The following INPP5A variants were observed in gnomAD, a reference collection of about 807,000 sequenced individuals.
The protein encoded by INPP5A is 43 kDa inositol polyphosphate 5-phophatase.
Under a neutral mutation model 65.2 loss-of-function variants are expected in INPP5A, and 14 were observed. That is an observed-to-expected ratio of 0.21 (90% CI 0.14 to 0.34). The LOEUF is 0.34. Ranked by LOEUF, INPP5A falls within the 10% of genes least tolerant of loss-of-function variation. The pLI is 1.00. For synonymous variants in INPP5A, 207 were observed against 208.3 expected (o/e 0.99, Z 0.05); for missense variants, 431 against 545.6 (o/e 0.79, Z 2.09).
chr10:132,547,127 CGT>C lies in INPP5A; in HGVS notation c.75+8958_75+8959del, dbSNP rs2070985226. ...GGTGCCAGGCCACAGTCCAGGTTCACGTGGATGCGGGGCAGGCCCCACCTCTC... is the reference window on the plus strand; with the variant it reads ...GGTGCCAGGCCACAGTCCAGGTTCACGGATGCGGGGCAGGCCCCACCTCTC... On this transcript the variant is annotated intron_variant, in intron 1 of 15. Transcript: ENST00000368594. This position sits in a 1 kb window ranked among gnomAD's most constrained non-coding sequence, Gnocchi z 5.5. 6.6e-6 allele frequency among the ~76,000 whole-genome samples: 1 copy of C among 152,252 alleles called. No individual in the cohort carries two copies. The highest frequency in any genetic ancestry group is 6.5e-5 in the Admixed American group (1 of 15,292).
chr10:132,558,154 G>A (rs957063958), intron 1 of INPP5A, among the ~76,000 whole-genome samples: 2 of 152,328 alleles, frequency 1.3e-5, no homozygotes, highest in Non-Finnish European at 2.9e-5. Context: ...AGTACCTGGA[G>A]GTGTCAGCAG....
At chr10:132,756,287 TG>T (rs1328843424) in intron 11 of INPP5A, among the ~76,000 whole-genome samples, 1 of 151,882 alleles carries the variant, frequency 6.6e-6, no homozygotes, top group Admixed American at 6.6e-5. Context: ...TGCGTGTGCA[TG>T]TGCACTAGTG....
chr10:132,547,171 T>C lies in INPP5A; in HGVS notation c.75+9000T>C, dbSNP rs1159759849. Among the ~76,000 whole-genome samples, 1 of 152,212 alleles carries C rather than the reference T, an allele frequency of 6.6e-6. No individual in the cohort carries two copies. The highest frequency in any genetic ancestry group is 1.5e-5 in the Non-Finnish European group (1 of 68,022). On this transcript the variant is annotated intron_variant, in intron 1 of 15. Transcript: ENST00000368594. This position sits in a 1 kb window ranked among gnomAD's most constrained non-coding sequence, Gnocchi z 5.5. ...CCACCTCTCCTCGCATGTGCGGCCTTGGGCTGTGTTTCACCTGTCAGCCTG... is the reference window on the plus strand; with the variant it reads ...CCACCTCTCCTCGCATGTGCGGCCTCGGGCTGTGTTTCACCTGTCAGCCTG...
chr10:132,618,242 T>A (rs2072066594), intron 2 of INPP5A, among the ~76,000 whole-genome samples: 1 of 152,228 alleles, frequency 6.6e-6, no homozygotes, highest in Admixed American at 6.5e-5. Flanking sequence ...CAGGGAAGAA[T>A]CCAGAATGTA....
chr10:132,776,149 A>G (rs1847059896), intron 12 of INPP5A, among the ~76,000 whole-genome samples: 1 of 152,200 alleles, frequency 6.6e-6, no homozygotes, highest in Admixed American at 6.5e-5. Context: ...GCAGGCCACC[A>G]GGTTGCTGGC....
intron 4 of INPP5A, among the ~76,000 whole-genome samples, chr10:132,657,963 G>T (rs1246381571): frequency 6.6e-6 from 1 of 152,238 alleles, no homozygotes; most frequent in Non-Finnish European, 1.5e-5. Context: ...CTGCTCCCCG[G>T]CCCCAGCACC....
rs986017150 is a variant in INPP5A at position 132,551,872 on chromosome 10, G to C, written c.75+13701G>C. Among the ~76,000 whole-genome samples the C allele has an allele frequency of 6.6e-6, 1 of 152,202 alleles. No homozygotes were observed. The highest frequency in any genetic ancestry group is 2.4e-5 in the African/African-American group (1 of 41,452). ...TGCACGATTAAACTGGGTTCTGCTC[G>C]GGGAGTCCCTGGGGTTTGGAGCTCT... On this transcript the variant is annotated intron_variant, in intron 1 of 15. Coordinates refer to ENST00000368594, the MANE Select transcript of INPP5A (RefSeq NM_005539.5). The surrounding 1 kb of genome is among the most constrained non-coding windows in gnomAD (Gnocchi z 5.3).
intron 13 of INPP5A, among the ~76,000 whole-genome samples, chr10:132,778,628 C>T (rs1213429646): frequency 1.3e-5 from 2 of 152,192 alleles, no homozygotes; most frequent in African/African-American, 2.4e-5. Context: ...CACCCAGAGC[C>T]GGGGCCTCTG....
At chr10:132,756,774 G>A (rs935690496) in intron 11 of INPP5A, among the ~76,000 whole-genome samples, 3 of 152,222 alleles carry the variant, frequency 2.0e-5, no homozygotes, top group African/African-American at 7.2e-5. Context: ...CTTCAGGCAG[G>A]TCCACGGAGA....
intron 9 of INPP5A, among the ~76,000 whole-genome samples, chr10:132,728,218 G>A (rs527952243): frequency 3.3e-5 from 5 of 152,348 alleles, no homozygotes; most frequent in Admixed American, 3.3e-4. Context: ...GGGCCTCTGC[G>A]TGTGGTGGGC....
chr10:132,653,446 G>A (rs2072607545), intron 4 of INPP5A, among the ~76,000 whole-genome samples: 1 of 152,046 alleles, frequency 6.6e-6, no homozygotes, highest in Non-Finnish European at 1.5e-5. Context: ...CCTGGCTGCC[G>A]GGCACAGGCC....
rs1451792923 is a variant in INPP5A, at chr10:132,710,537, G to A, written c.647+81G>A. 3.2e-6 allele frequency: 5 copies of A among 1,549,442 alleles called. No homozygotes were observed. In the African/African-American group the frequency reaches 4.1e-5, roughly 13 times the overall value. Reference sequence around the variant, plus strand: ...CAGGTGTGAGTGGAGAGGTAGGTGTGGGCGGACAAGTAGGTATGCTGGGCA... The same window carrying A: ...CAGGTGTGAGTGGAGAGGTAGGTGTAGGCGGACAAGTAGGTATGCTGGGCA... On this transcript the variant is annotated intron_variant, in intron 8 of 15. Transcript: ENST00000368594.
intron 1 of INPP5A, among the ~76,000 whole-genome samples, chr10:132,579,207 G>C (rs1368033260): frequency 6.6e-6 from 1 of 152,138 alleles, no homozygotes. Context: ...GGGAAGGAGA[G>C]TGTGGGGGGA....
intron 9 of INPP5A, among the ~76,000 whole-genome samples, chr10:132,736,528 C>T (rs568269551): frequency 1.5e-4 from 23 of 152,220 alleles, no homozygotes; most frequent in Non-Finnish European, 1.3e-4. Flanking sequence ...CAAGGAGACA[C>T]CCCGAGAGCC....
At position 132,651,910 on chromosome 10, in the gene INPP5A, G is replaced by A. The variant is rs908941060; in HGVS notation, c.306+1405G>A. On this transcript the variant is annotated intron_variant, in intron 4 of 15. Transcript: ENST00000368594. This position sits in a 1 kb window ranked among gnomAD's most constrained non-coding sequence, Gnocchi z 5.0. ...GTCAAGCAGCTGCCCACACACAAGC[G>A]GCCTCTCCTCACGCTCTGTGGGGCA... Among the ~76,000 whole-genome samples the A allele has an allele frequency of 6.6e-6, 1 of 152,144 alleles. No homozygotes were observed. Among genetic ancestry groups the A allele is most frequent in the Non-Finnish European group, 1.5e-5 (1 of 68,022 alleles).
chr10:132,737,601 C>G (rs906030806), intron 9 of INPP5A, among the ~76,000 whole-genome samples: 1 of 152,344 alleles, frequency 6.6e-6, no homozygotes, highest in Admixed American at 6.5e-5. Context: ...GGCAGCCTCT[C>G]TGCCCTCCCT....
rs560917097 is a variant in INPP5A, at chr10:132,705,249, G to A, written c.475-3064G>A. Among the ~76,000 whole-genome samples, 23 of 152,314 alleles carry A rather than the reference G, an allele frequency of 1.5e-4. No individual in the cohort carries two copies. In the East Asian group the frequency reaches 1.9e-3, roughly 13 times the overall value. On this transcript the variant is annotated intron_variant, in intron 6 of 15. Coordinates refer to ENST00000368594, the MANE Select transcript of INPP5A (RefSeq NM_005539.5). The surrounding 1 kb of genome is among the most constrained non-coding windows in gnomAD (Gnocchi z 4.9). Reference sequence around the variant, plus strand: ...GCTCCCCGGGGCAAATGGCCTCCCCGAGAGAGGAGGCGGACATGTTTGGAA... The same window carrying A: ...GCTCCCCGGGGCAAATGGCCTCCCCAAGAGAGGAGGCGGACATGTTTGGAA...
At chr10:132,573,187 A>G (rs12780264) in intron 1 of INPP5A, among the ~76,000 whole-genome samples, 17 of 83,838 alleles carry the variant, frequency 2.0e-4, no homozygotes, top group Admixed American at 8.7e-4. Flanking sequence ...GTTGGGGTGT[A>G]CGTGCCGTGT....
At chr10:132,776,970 C>T (rs767369246) in intron 12 of INPP5A, among the ~76,000 whole-genome samples, 1 of 152,130 alleles carries the variant, frequency 6.6e-6, no homozygotes, top group Non-Finnish European at 1.5e-5. Context: ...GTGCCCTGGC[C>T]GGCGGTGGGT....
Sources: gnomAD v4.1 joint callset for allele counts (sites outside exome capture counted in the v4.1 genomes callset) on GRCh38, gnomAD v4.1.1 for gene constraint, Gnocchi (gnomAD v3.1) non-coding constraint, MANE v1.5 for transcripts, NCBI Gene and HGNC (gene_info 2026-07-23, HGNC 2026-07-21) for gene names.